Variants in DNAH8 observed in about 807,000 individuals in gnomAD.
DNAH8 encodes the protein axonemal beta dynein heavy chain 8.
A neutral mutation model predicts 562.1 loss-of-function variants in DNAH8; 382 were observed. The observed-to-expected ratio is 0.68, with a 90% confidence interval of 0.63 to 0.74. DNAH8 has a LOEUF of 0.74. Among genes scored for constraint, DNAH8 ranks in the 30% least tolerant of loss-of-function variants. The probability of loss-of-function intolerance (pLI) is 0.00; values close to 1 mark genes in which losing one functional copy is unlikely to be tolerated. For missense variants in DNAH8, 5,203 were observed against 5,620.4 expected (o/e 0.93, Z 2.37); for synonymous variants, 1,881 against 1,919.4 (o/e 0.98, Z 0.52).
intron 82 of DNAH8, among the ~76,000 whole-genome samples, chr6:38,952,673 A>C (rs35890417): frequency 0.061 from 9,320 of 152,186 alleles, 403 homozygotes; most frequent in East Asian, 0.16. Flanking sequence ...AGCATGGTCC[A>C]TGTTCATGTT....
rs72056166 is a variant in DNAH8, at chr6:38,925,286, A to ATTATTTTATTTTATT, written c.10963-721_10963-707dup. Among the ~76,000 whole-genome samples the ATTATTTTATTTTATT allele has an allele frequency of 1.6e-3, 209 of 130,004 alleles. 5 individuals are homozygous for ATTATTTTATTTTATT. The East Asian group carries it at 0.033, about 20-fold the overall frequency. 85.3% of individuals were successfully genotyped at this position (130,004 alleles called of 152,430 possible). A position where few individuals can be genotyped will look rare whatever the true frequency, so the allele number is the denominator to read the frequency against. ...GGCTGGTTGGCTCATTGGATCTCTGATTATTTTATTTTATTTTATTTTATT... is the reference window on the plus strand; with the variant it reads ...GGCTGGTTGGCTCATTGGATCTCTGATTATTTTATTTTATTTTATTTTATTTTATTTTATTTTATT... On this transcript the variant is annotated intron_variant, in intron 73 of 92. Coordinates refer to ENST00000327475, the MANE Select transcript of DNAH8 (RefSeq NM_001206927.2).
chr6:38,903,767 A>G (rs1208582387), intron 62 of DNAH8, among the ~76,000 whole-genome samples: 1 of 151,538 alleles, frequency 6.6e-6, no homozygotes, highest in Non-Finnish European at 1.5e-5. Flanking sequence ...GAGCACCACC[A>G]CGCCTGGCTC....
intron 87 of DNAH8, among the ~76,000 whole-genome samples, chr6:38,985,625 T>G (rs1276636504): frequency 6.6e-6 from 1 of 152,216 alleles, no homozygotes; most frequent in Non-Finnish European, 1.5e-5. Flanking sequence ...AGTCCAGTAA[T>G]ACTTACTGAA....
At chr6:38,843,460 T>C (rs1334636641) in intron 35 of DNAH8, among the ~76,000 whole-genome samples, 1 of 152,152 alleles carries the variant, frequency 6.6e-6, no homozygotes, top group Non-Finnish European at 1.5e-5. Flanking sequence ...TATAGATTTA[T>C]AGATGTCTTC....
intron 7 of DNAH8, among the ~76,000 whole-genome samples, chr6:38,739,515 A>C (rs1246315290): frequency 6.6e-6 from 1 of 152,202 alleles, no homozygotes; most frequent in Non-Finnish European, 1.5e-5. Flanking sequence ...CAAGTTAAGA[A>C]ATAGAACATG....
chr6:38,765,899 GT>G (rs1038611209), intron 11 of DNAH8, among the ~76,000 whole-genome samples: 80 of 152,146 alleles, frequency 5.3e-4, no homozygotes, highest in African/African-American at 1.9e-3. Context: ...ATGAAACATA[GT>G]ATAGAGGTTC....
chr6:38,746,230 T>C (rs1227236206), intron 8 of DNAH8, among the ~76,000 whole-genome samples: 1 of 152,228 alleles, frequency 6.6e-6, no homozygotes, highest in African/African-American at 2.4e-5. Context: ...ATGCTTTTGG[T>C]TATAATCGAA....
At position 38,875,825 on chromosome 6, in the gene DNAH8, T is replaced by C; in HGVS notation, c.7855T>C (p.Tyr2619His). 1 of 1,603,610 alleles carries C rather than the reference T, an allele frequency of 6.2e-7. No individual in the cohort carries two copies. The highest frequency in any genetic ancestry group is 1.7e-5 in the Admixed American group (1 of 60,002). ...CATGTATGAGTTTTATGTTACTGAT[T>C]ATGGTAAGCCCACTGAACTATACCT... is the stretch of plus-strand genomic sequence containing the variant. ...QTMYEFYVTD[Y>H]GDWEHWNKKL... The change falls in exon 53 of 93, where the codon TAT becomes CAT. Residue 2619 changes from tyrosine to histidine, a missense_variant. By Grantham distance (83) the Tyr-to-His change is moderately conservative (BLOSUM62 2). This residue lies in a region of DNAH8 where 977 missense variants were observed against 1,061.8 expected (regional missense o/e 0.92). Coordinates refer to ENST00000327475, the MANE Select transcript of DNAH8 (RefSeq NM_001206927.2).
At chr6:38,982,205 T>C (rs1241467916) in intron 85 of DNAH8, 141 bp from the exon 86 acceptor site, 2 of 612,878 alleles carry the variant, frequency 3.3e-6, no homozygotes, top group Non-Finnish European at 6.0e-6. Flanking sequence ...GACATGAATG[T>C]ATATCCAAAA....
chr6:38,744,670 G>A (rs988881366), intron 8 of DNAH8, among the ~76,000 whole-genome samples: 3 of 151,998 alleles, frequency 2.0e-5, no homozygotes, highest in Admixed American at 1.3e-4. Context: ...ATGATTCACT[G>A]CACGCTCGAC....
chr6:38,951,116 A>G (rs1232843096), intron 81 of DNAH8, among the ~76,000 whole-genome samples: 2 of 152,200 alleles, frequency 1.3e-5, no homozygotes, highest in African/African-American at 4.8e-5. Context: ...CTTCTTGCCA[A>G]TGCCTGGCTG....
At chr6:38,787,011 G>T in intron 18 of DNAH8, 59 bp downstream of exon 18, 2 of 821,794 alleles carry the variant, frequency 2.4e-6, no homozygotes, top group Non-Finnish European at 1.8e-6. Flanking sequence ...AAAAAAATAT[G>T]TATATATATA....
intron 85 of DNAH8, among the ~76,000 whole-genome samples, chr6:38,978,974 A>G (rs1282658339): frequency 6.6e-6 from 1 of 152,238 alleles, no homozygotes; most frequent in Non-Finnish European, 1.5e-5. Flanking sequence ...AAGTTTTAAC[A>G]TTCAAATTTG....
intron 58 of DNAH8, 42 bp downstream of exon 58, chr6:38,890,803 T>G: frequency 1.5e-6 from 2 of 1,346,310 alleles, no homozygotes; most frequent in Non-Finnish European, 2.1e-6. Flanking sequence ...AGGCAACTAT[T>G]ATTCAGCCCT....
intron 82 of DNAH8, among the ~76,000 whole-genome samples, chr6:38,951,889 A>T (rs1761933114): frequency 6.6e-6 from 1 of 152,210 alleles, no homozygotes; most frequent in Admixed American, 6.5e-5. Flanking sequence ...GTCACAAATT[A>T]AAAAACTATA....
At chr6:38,939,288 T>C (rs1783242136) in intron 79 of DNAH8, among the ~76,000 whole-genome samples, 1 of 152,238 alleles carries the variant, frequency 6.6e-6, no homozygotes, top group Non-Finnish European at 1.5e-5. Context: ...TGGCTTTCTT[T>C]AGCAGGACAG....
intron 82 of DNAH8, among the ~76,000 whole-genome samples, chr6:38,961,622 G>A (rs1035331473): frequency 6.6e-6 from 1 of 151,946 alleles, no homozygotes; most frequent in African/African-American, 2.4e-5. Flanking sequence ...ATCTTGATGG[G>A]TGCTATAAAA....
intron 21 of DNAH8, among the ~76,000 whole-genome samples, chr6:38,801,280 G>A (rs1770757321): frequency 6.6e-6 from 1 of 152,140 alleles, no homozygotes; most frequent in Non-Finnish European, 1.5e-5. Context: ...ATATTCAGTT[G>A]TCCCAGTACC....
rs1357916358 is a variant in DNAH8, at chr6:38,931,808, T to G, written c.11275-3T>G. On this transcript the variant is annotated splice_polypyrimidine_tract_variant and splice_region_variant and intron_variant, in intron 75 of 92. Coordinates refer to ENST00000327475, the MANE Select transcript of DNAH8 (RefSeq NM_001206927.2). ...TTTTAATTTTATATGTGAATTTATG[T>G]AGGTGAAAGTCGGTGATAAGGAATG... 2 of 1,536,828 alleles carry G rather than the reference T, an allele frequency of 1.3e-6. No individual in the cohort carries two copies. The highest frequency in any genetic ancestry group is 1.7e-4 in the Middle Eastern group (1 of 5,816).
Sources: gnomAD v4.1 joint callset for allele counts (sites outside exome capture counted in the v4.1 genomes callset) on GRCh38, gnomAD v4.1.1 for gene constraint, gnomAD v4.1.1 regional missense constraint, MANE v1.5 for transcripts, NCBI Gene and HGNC (gene_info 2026-07-23, HGNC 2026-07-21) for gene names.